The following LRRC8C variants were observed in gnomAD, a reference collection of about 807,000 sequenced individuals.
LRRC8C encodes the protein leucine rich repeat containing 8 VRAC subunit C, also known as volume-regulated anion channel subunit LRRC8C.
A neutral mutation model predicts 55.3 loss-of-function variants in LRRC8C; 20 were observed. That is an observed-to-expected ratio of 0.36 (90% CI 0.25 to 0.53). The LOEUF (loss-of-function observed/expected upper bound fraction) is 0.53, where lower values mean the gene tolerates loss of function less well. Among genes scored for constraint, LRRC8C ranks in the 20% least tolerant of loss-of-function variants. The probability of loss-of-function intolerance (pLI) is 0.92; values close to 1 mark genes in which losing one functional copy is unlikely to be tolerated. For missense variants in LRRC8C, 659 were observed against 951.4 expected (o/e 0.69, Z 4.04); for synonymous variants, 376 against 360.7 (o/e 1.04, Z -0.48).
At chr1:89,625,156 C>T in the LRRC8C span, 6 of 152,150 alleles carry the variant, frequency 3.9e-5, no homozygotes, top group African/African-American at 1.4e-4. Flanking sequence ...TGGATCACTT[C>T]CTGCTTCCTT....
intron 1 of LRRC8C, among the ~76,000 whole-genome samples, chr1:89,659,193 C>T (rs977601624): frequency 6.6e-6 from 1 of 151,550 alleles, no homozygotes; most frequent in Admixed American, 6.6e-5. Context: ...TCCCAAGTAG[C>T]TAGACTGTGT....
chr1:89,680,433 A>G lies in LRRC8C; in HGVS notation c.-4-6037A>G, dbSNP rs192002305. 5.5e-4 allele frequency among the ~76,000 whole-genome samples: 83 copies of G among 151,836 alleles called. 1 individual carries two copies. The highest frequency in any genetic ancestry group is 1.9e-3 in the African/African-American group (79 of 41,408). On this transcript the variant is annotated intron_variant, in intron 1 of 2. Transcript: ENST00000370454. ...ATCTTTGAGAAGTAAAGTTATGTGG[A>G]ATATGGATCTACTAAAATAGTTTTT...
chr1:89,647,981 A>G (rs1365754651), intron 1 of LRRC8C, among the ~76,000 whole-genome samples: 1 of 152,196 alleles, frequency 6.6e-6, no homozygotes, highest in Non-Finnish European at 1.5e-5. Context: ...AGGCGGGAGG[A>G]TGGCTTGAGC....
chr1:89,714,843 A>G lies in LRRC8C; in HGVS notation c.2273A>G (p.Asp758Gly), dbSNP rs920190698. ...IGNLLFLSYL[D>G]VKGNHFEILP... ...AATTTGCTATTTCTTTCCTACTTAG[A>G]TGTAAAAGGTAATCACTTTGAAATC... The change falls in exon 3 of 3, where the codon GAT becomes GGT. Residue 758 changes from aspartate to glycine, a missense_variant. Around this residue, in one of 5 missense-constraint regions of LRRC8C, gnomAD observed 344 missense variants for 464.6 expected, o/e 0.74. Transcript: ENST00000370454. The surrounding 1 kb of genome is among the most constrained non-coding windows in gnomAD (Gnocchi z 4.6). 3.1e-6 allele frequency: 5 copies of G among 1,614,028 alleles called. No individual in the cohort carries two copies. The highest frequency in any genetic ancestry group is 1.7e-5 in the Admixed American group (1 of 60,004).
upstream of LRRC8C, among the ~76,000 whole-genome samples, chr1:89,630,620 T>G (rs987592954): frequency 4.6e-5 from 7 of 152,238 alleles, no homozygotes; most frequent in African/African-American, 1.4e-4. Context: ...CCTGGAGATG[T>G]GCTGAACTTC....
At chr1:89,666,293 A>G (rs886399717) in intron 1 of LRRC8C, among the ~76,000 whole-genome samples, 3 of 152,182 alleles carry the variant, frequency 2.0e-5, no homozygotes, top group Non-Finnish European at 4.4e-5. Flanking sequence ...AGGAAAAAAC[A>G]TGATACTGTT....
intron 1 of LRRC8C, among the ~76,000 whole-genome samples, chr1:89,680,838 G>A (rs964762320): frequency 7.9e-5 from 12 of 152,096 alleles, no homozygotes; most frequent in Admixed American, 2.6e-4. Flanking sequence ...TGGGATTACA[G>A]GCATGAGCCA....
intron 2 of LRRC8C, among the ~76,000 whole-genome samples, chr1:89,697,550 T>A (rs1490481689): frequency 6.6e-6 from 1 of 152,194 alleles, no homozygotes. Flanking sequence ...GATAAATATT[T>A]CAAATTCTTC....
At chr1:89,647,419 T>C (rs1197960216) in intron 1 of LRRC8C, among the ~76,000 whole-genome samples, 1 of 152,224 alleles carries the variant, frequency 6.6e-6, no homozygotes, top group African/African-American at 2.4e-5. Flanking sequence ...CTAATAACTG[T>C]ATCAGAAAGT....
intron 1 of LRRC8C, among the ~76,000 whole-genome samples, chr1:89,669,159 A>T (rs951803987): frequency 3.3e-5 from 5 of 152,196 alleles, no homozygotes; most frequent in African/African-American, 1.2e-4. Context: ...ATGAATGAGG[A>T]CGTTCTGATA....
chr1:89,703,656 T>C (rs1258225838), intron 2 of LRRC8C, among the ~76,000 whole-genome samples: 2 of 151,846 alleles, frequency 1.3e-5, no homozygotes, highest in African/African-American at 4.8e-5. Context: ...GGTGTGGAGA[T>C]ACTAAAAATT....
chr1:89,684,207 G>A (rs533948795), intron 1 of LRRC8C, among the ~76,000 whole-genome samples: 10 of 152,284 alleles, frequency 6.6e-5, no homozygotes, highest in Non-Finnish European at 1.3e-4. Flanking sequence ...AGACCAAAAA[G>A]TTAGAGAGCC....
At chr1:89,696,654 G>A (rs1198110732) in intron 2 of LRRC8C, among the ~76,000 whole-genome samples, 1 of 152,118 alleles carries the variant, frequency 6.6e-6, no homozygotes, top group Non-Finnish European at 1.5e-5. Flanking sequence ...TAAGGAAAAA[G>A]GGAGACTTCC....
At chr1:89,627,404 A>C in the LRRC8C span, among the ~76,000 whole-genome samples, 1 of 152,040 alleles carries the variant, frequency 6.6e-6, no homozygotes, top group African/African-American at 2.4e-5. Flanking sequence ...TGTTGCCTTA[A>C]CTCGGAGCTA....
intron 1 of LRRC8C, among the ~76,000 whole-genome samples, chr1:89,636,902 T>TA (rs1656303635): frequency 6.6e-6 from 1 of 152,200 alleles, no homozygotes; most frequent in Admixed American, 6.5e-5. Context: ...CAGGGATTTT[T>TA]AAAAAATTTC....
At chr1:89,706,306 T>G (rs1658481748) in intron 2 of LRRC8C, 1 of 456,114 alleles carries the variant, frequency 2.2e-6, no homozygotes, top group African/African-American at 2.0e-5. Context: ...TTTCAGGCAG[T>G]TTCTCTGAAG....
chr1:89,636,519 G>T (rs1161337551), intron 1 of LRRC8C, among the ~76,000 whole-genome samples: 1 of 151,962 alleles, frequency 6.6e-6, no homozygotes, highest in South Asian at 2.1e-4. Flanking sequence ...ATCGGAATTT[G>T]TATTTTTTGG....
At chr1:89,623,593 G>A in the LRRC8C span, among the ~76,000 whole-genome samples, 1 of 152,160 alleles carries the variant, frequency 6.6e-6, no homozygotes, top group Non-Finnish European at 1.5e-5. Context: ...ATGGTGGCAT[G>A]TGCCTGTAGT....
intron 1 of LRRC8C, among the ~76,000 whole-genome samples, chr1:89,647,774 C>A (rs1656654656): frequency 6.6e-6 from 1 of 152,094 alleles, no homozygotes; most frequent in Non-Finnish European, 1.5e-5. Context: ...ACAGGCCAAA[C>A]AATGGTGTGT....
Sources: gnomAD v4.1 joint callset for allele counts (sites outside exome capture counted in the v4.1 genomes callset) on GRCh38, gnomAD v4.1.1 for gene constraint, gnomAD v4.1.1 regional missense constraint, Gnocchi (gnomAD v3.1) non-coding constraint, MANE v1.5 for transcripts, NCBI Gene and HGNC (gene_info 2026-07-23, HGNC 2026-07-21) for gene names.